Variants in MAP2K5 observed in about 807,000 individuals in gnomAD.
MAP2K5 encodes the protein mitogen-activated protein kinase kinase 5, also known as dual specificity mitogen-activated protein kinase kinase 5.
Under a neutral mutation model 83.1 loss-of-function variants are expected in MAP2K5, and 49 were observed. The ratio of observed to expected loss-of-function variants is 0.59; its 90% CI spans 0.47 to 0.75. The LOEUF (loss-of-function observed/expected upper bound fraction) is 0.75, where lower values mean the gene tolerates loss of function less well. Ranked by LOEUF, MAP2K5 falls within the 30% of genes least tolerant of loss-of-function variation. The pLI is 0.00. For missense variants in MAP2K5, 457 were observed against 557.5 expected, an observed-to-expected ratio of 0.82 and a Z score of 1.82; for synonymous variants, 202 against 191.8, an observed-to-expected ratio of 1.05 and a Z score of -0.44.
intron 11 of MAP2K5, among the ~76,000 whole-genome samples, chr15:67,656,478 A>T (rs934160747): frequency 5.3e-5 from 8 of 151,834 alleles, no homozygotes; most frequent in African/African-American, 1.9e-4. Flanking sequence ...AGTAGTGTAC[A>T]CCACTTTGCC....
At chr15:67,606,093 C>T (rs894567381) in intron 8 of MAP2K5, among the ~76,000 whole-genome samples, 8 of 152,114 alleles carry the variant, frequency 5.3e-5, no homozygotes, top group African/African-American at 1.9e-4. Context: ...TGTTTGATTC[C>T]AAAGCCAGTC....
At chr15:67,674,245 T>C (rs571501647) in intron 13 of MAP2K5, among the ~76,000 whole-genome samples, 2 of 152,306 alleles carry the variant, frequency 1.3e-5, no homozygotes, top group African/African-American at 4.8e-5. Context: ...TGTGTAATGA[T>C]GAGAGAGCTA....
rs59327254 is a variant in MAP2K5, at chr15:67,562,988, G to T, written c.185-295G>T. Among the ~76,000 whole-genome samples the T allele has an allele frequency of 6.6e-6, 1 of 152,026 alleles. No individual in the cohort carries two copies. Among genetic ancestry groups the T allele is most frequent in the Admixed American group, 6.6e-5 (1 of 15,242 alleles). ...TGGCCTCTCGTTGGTTTTTAGTTCC[G>T]CTAACCAAACCTGTTTTGTCATACT... is the stretch of plus-strand genomic sequence containing the variant. On this transcript the variant is annotated intron_variant, in intron 2 of 21. Transcript: ENST00000178640. The surrounding 1 kb of genome is among the most constrained non-coding windows in gnomAD (Gnocchi z 4.1).
At chr15:67,641,880 T>A (rs553383901) in intron 9 of MAP2K5, among the ~76,000 whole-genome samples, 2 of 152,314 alleles carry the variant, frequency 1.3e-5, no homozygotes, top group South Asian at 4.1e-4. Context: ...GTTTTAAAGC[T>A]CACTCACAAG....
intron 2 of MAP2K5, among the ~76,000 whole-genome samples, chr15:67,558,550 C>G (rs2084672612): frequency 6.6e-6 from 1 of 152,214 alleles, no homozygotes; most frequent in Non-Finnish European, 1.5e-5. Context: ...ATTTCCATCT[C>G]ACTCCAAAGT....
intron 16 of MAP2K5, among the ~76,000 whole-genome samples, chr15:67,711,813 T>C (rs1038361839): frequency 3.3e-5 from 5 of 152,210 alleles, no homozygotes; most frequent in Admixed American, 2.6e-4. Flanking sequence ...ATCTGATATA[T>C]TGTAAACACC....
At chr15:67,608,236 T>C (rs1425417304) in intron 8 of MAP2K5, among the ~76,000 whole-genome samples, 2 of 152,182 alleles carry the variant, frequency 1.3e-5, no homozygotes, top group Non-Finnish European at 2.9e-5. Flanking sequence ...TTTTGGATTC[T>C]GGATTCCTGT....
chr15:67,601,132 T>A (rs544683017), intron 8 of MAP2K5, among the ~76,000 whole-genome samples: 1 of 152,304 alleles, frequency 6.6e-6, no homozygotes, highest in African/African-American at 2.4e-5. Flanking sequence ...AGCCAGACCT[T>A]ATAAATACCA....
chr15:67,672,504 GGTT>G lies in MAP2K5; in HGVS notation c.847+7863_847+7865del, dbSNP rs1446478780. Among the ~76,000 whole-genome samples the G allele has an allele frequency of 9.4e-5, 14 of 149,592 alleles. No individual in the cohort carries two copies. The East Asian group carries it at 2.7e-3, about 29-fold the overall frequency. ...ATGTCCTTCGCCCACTTTTTGATGG[GGTT>G]GTTTGTTTTTTTCTTGTAAATTTGT... is the stretch of plus-strand genomic sequence containing the variant. On this transcript the variant is annotated intron_variant, in intron 13 of 21. Coordinates refer to ENST00000178640, the MANE Select transcript of MAP2K5 (RefSeq NM_145160.3).
chr15:67,643,859 T>G (rs2086773289), intron 9 of MAP2K5, among the ~76,000 whole-genome samples: 1 of 152,210 alleles, frequency 6.6e-6, no homozygotes, highest in African/African-American at 2.4e-5. Flanking sequence ...AATTGTCCTT[T>G]TCTTTCCTTG....
rs2090289244 is a variant in MAP2K5, at chr15:67,779,370, C to A, written c.1242+6618C>A. 6.6e-6 allele frequency among the ~76,000 whole-genome samples: 1 copy of A among 152,172 alleles called. No individual in the cohort carries two copies. Among genetic ancestry groups the A allele is most frequent in the Non-Finnish European group, 1.5e-5 (1 of 68,034 alleles). On this transcript the variant is annotated intron_variant, in intron 21 of 21. Coordinates refer to ENST00000178640, the MANE Select transcript of MAP2K5 (RefSeq NM_145160.3). This position sits in a 1 kb window ranked among gnomAD's most constrained non-coding sequence, Gnocchi z 4.6. Reference sequence around the variant, plus strand: ...CTTGAGATCGCACTAAATCAGACAGCTTTAATTTGAATTTTTGATGACACA... The same window carrying A: ...CTTGAGATCGCACTAAATCAGACAGATTTAATTTGAATTTTTGATGACACA...
Position 67,736,748 on chromosome 15 carries a change from G to A in MAP2K5, c.1074+8803G>A, listed in dbSNP as rs776725223. 8.5e-5 allele frequency among the ~76,000 whole-genome samples: 13 copies of A among 152,146 alleles called. No homozygotes were observed. Among genetic ancestry groups the A allele is most frequent in the Non-Finnish European group, 1.8e-4 (12 of 68,016 alleles). ...TTAGCCCCCAGAAATAGAATTGAAA[G>A]TTAATGAACTTGGTGTTCAGTCTGG... On this transcript the variant is annotated intron_variant, in intron 17 of 21. Coordinates refer to ENST00000178640, the MANE Select transcript of MAP2K5 (RefSeq NM_145160.3). The surrounding 1 kb of genome is among the most constrained non-coding windows in gnomAD (Gnocchi z 4.3).
At chr15:67,689,732 T>C (rs1035033168) in intron 13 of MAP2K5, among the ~76,000 whole-genome samples, 3 of 152,240 alleles carry the variant, frequency 2.0e-5, no homozygotes, top group African/African-American at 7.2e-5. Context: ...GTTTTGTTGT[T>C]TTATTATTTT....
rs117151147 is a variant in MAP2K5, at chr15:67,754,572, T to C, written c.1134+5971T>C. Among the ~76,000 whole-genome samples, 1,092 of 152,306 alleles carry C rather than the reference T, an allele frequency of 7.2e-3. 16 individuals are homozygous for C. The highest frequency in any genetic ancestry group is 7.1e-3 in the Non-Finnish European group (486 of 68,020). On this transcript the variant is annotated intron_variant, in intron 19 of 21. Coordinates refer to ENST00000178640, the MANE Select transcript of MAP2K5 (RefSeq NM_145160.3). The stretch of plus-strand genomic sequence containing the variant: ...AGATTTGATTCATTATGTTAAAAAC[T>C]ATAATAAAGCTATGTAAACAGTGCT...
chr15:67,718,957 G>T (rs1419824196), intron 16 of MAP2K5, among the ~76,000 whole-genome samples: 2 of 151,928 alleles, frequency 1.3e-5, no homozygotes, highest in Non-Finnish European at 2.9e-5. Flanking sequence ...GTAAATTTTT[G>T]TTGACTGTAA....
chr15:67,708,018 A>G lies in MAP2K5; in HGVS notation c.1044+4610A>G, dbSNP rs1297859358. Among the ~76,000 whole-genome samples, 2 of 152,226 alleles carry G rather than the reference A, an allele frequency of 1.3e-5. No individual in the cohort carries two copies. The highest frequency in any genetic ancestry group is 2.9e-5 in the Non-Finnish European group (2 of 68,030). On this transcript the variant is annotated intron_variant, in intron 16 of 21. Coordinates refer to ENST00000178640, the MANE Select transcript of MAP2K5 (RefSeq NM_145160.3). This position sits in a 1 kb window ranked among gnomAD's most constrained non-coding sequence, Gnocchi z 4.9. ...AGCAAAGGAATTTCCCTGAAATTAC[A>G]CAGGAATCAAATACAGGCTAGGCCT...
At chr15:67,600,816 T>A in intron 8 of MAP2K5, 67 bp downstream of exon 8, 1 of 1,223,514 alleles carries the variant, frequency 8.2e-7, no homozygotes, top group Non-Finnish European at 1.2e-6. Context: ...AAGTTCTCTG[T>A]GGCAAAGATT....
At chr15:67,806,610 G>A (rs1484124435) in intron 21 of MAP2K5, 36 bp from the exon 22 acceptor site, 2 of 1,534,312 alleles carry the variant, frequency 1.3e-6, no homozygotes, top group African/African-American at 1.4e-5. Flanking sequence ...GGGAGTCCGA[G>A]GACTGCCTGT....
rs1219218380 is a variant in MAP2K5 at position 67,563,005 on chromosome 15, T to G, written c.185-278T>G. ...TTAGTTCCGCTAACCAAACCTGTTT[T>G]GTCATACTCCAGTTATATTTACTTT... is the stretch of plus-strand genomic sequence containing the variant. On this transcript the variant is annotated intron_variant, in intron 2 of 21. Transcript: ENST00000178640. This position sits in a 1 kb window ranked among gnomAD's most constrained non-coding sequence, Gnocchi z 4.5. Among the ~76,000 whole-genome samples the G allele has an allele frequency of 6.6e-6, 1 of 152,218 alleles. No individual in the cohort carries two copies. The highest frequency in any genetic ancestry group is 1.5e-5 in the Non-Finnish European group (1 of 68,032).
Sources: allele counts gnomAD v4.1 joint callset (sites outside exome capture counted in the v4.1 genomes callset), GRCh38; gene constraint gnomAD v4.1.1; non-coding constraint Gnocchi (gnomAD v3.1); transcripts MANE v1.5; gene names NCBI Gene and HGNC (gene_info 2026-07-23, HGNC 2026-07-21).